PRPH: variants seen among roughly 807,000 people sequenced by gnomAD.
PRPH encodes peripherin.
PRPH carries 48 observed loss-of-function variants against 52.6 expected under a neutral mutation model. That is an observed-to-expected ratio of 0.91 (90% CI 0.72 to 1.16). The LOEUF (loss-of-function observed/expected upper bound fraction) is 1.16, where lower values mean the gene tolerates loss of function less well. PRPH is among the 50% of genes most tolerant of loss of function. The pLI, the probability that PRPH is intolerant of heterozygous loss-of-function variation, is 0.00. For synonymous variants in PRPH, 279 were observed against 283.8 expected, an observed-to-expected ratio of 0.98 and a Z score of 0.17; for missense variants, 579 against 635.7, an observed-to-expected ratio of 0.91 and a Z score of 0.96.
At position 49,296,969 on chromosome 12, in the gene PRPH, G is replaced by A. The variant is rs1431869971; in HGVS notation, c.783G>A (p.Leu261=). 2 of 1,613,684 alleles carry A rather than the reference G, an allele frequency of 1.2e-6. No individual in the cohort carries two copies. Among genetic ancestry groups the A allele is most frequent in the African/African-American group, 2.7e-5 (2 of 74,906 alleles). The change falls in exon 4 of 9, where the codon CTG becomes CTA. Residue 261 remains leucine (L), a synonymous_variant. Transcript: ENST00000257860. The surrounding 1 kb of genome is among the most constrained non-coding windows in gnomAD (Gnocchi z 5.1). The stretch of plus-strand genomic sequence containing the variant: ...TGGAAGCCACGGTGAAGCCCGAGCT[G>A]ACGGCAGCGCTGAGGGACATCCGCG... ...VEVEATVKPE[L]TAALRDIRAQ...
chr12:49,297,439 G>T lies in PRPH; in HGVS notation c.1079G>T (p.Arg360Leu), dbSNP rs370910135. Residue 360 changes from arginine to leucine, a missense_variant, in exon 6 of 9, where the codon CGG (arginine) becomes CTG (leucine). Transcript: ENST00000257860. This position sits in a 1 kb window ranked among gnomAD's most constrained non-coding sequence, Gnocchi z 4.4. ...EAGGYQAGAA[R>L]LEEELRQLKE... ...GGGGGCTACCAGGCGGGCGCTGCGC[G>T]GCTCGAGGAGGAGCTGCGACAGCTA... 618 of 1,609,358 alleles carry T rather than the reference G, an allele frequency of 3.8e-4. 1 individual carries two copies. Among genetic ancestry groups the T allele is most frequent in the Non-Finnish European group, 5.1e-4 (599 of 1,179,066 alleles).
Position 49,296,797 on chromosome 12 carries a change from G to C in PRPH, c.703-92G>C. The C allele has an allele frequency of 2.6e-6, 4 of 1,533,162 alleles. No homozygotes were observed. Among genetic ancestry groups the C allele is most frequent in the Non-Finnish European group, 3.5e-6 (4 of 1,136,256 alleles). The allele number at this position is 1,533,162 out of a possible 1,614,324, so 95.0% of individuals were successfully genotyped here. A position where few individuals can be genotyped will look rare whatever the true frequency, so the allele number is the denominator to read the frequency against. On this transcript the variant is annotated intron_variant, in intron 3 of 8. Coordinates refer to ENST00000257860, the MANE Select transcript of PRPH (RefSeq NM_006262.4). This position sits in a 1 kb window ranked among gnomAD's most constrained non-coding sequence, Gnocchi z 5.1. ...CCCTCCCTGGCGCCCACTTCTGTTC[G>C]TTCAAGCGTTTCTTCTCTTTTCTGT...
At position 49,295,668 on chromosome 12, in the gene PRPH, G is replaced by C; in HGVS notation, c.468G>C (p.Glu156Asp). ...TGCGCGAGCTGCGGCGAGAGCTGGAGCTGTTGGGCCGCGAGCGTGACCGGG... is the reference window on the plus strand; with the variant it reads ...TGCGCGAGCTGCGGCGAGAGCTGGACCTGTTGGGCCGCGAGCGTGACCGGG... ...QELRELRREL[E>D]LLGRERDRVQ... Residue 156 changes from glutamate (E) to aspartate (D), a missense_variant, in exon 1 of 9, where the codon GAG (glutamate) becomes GAC (aspartate). Coordinates refer to ENST00000257860, the MANE Select transcript of PRPH (RefSeq NM_006262.4). The C allele has an allele frequency of 1.3e-6, 2 of 1,536,986 alleles. No individual in the cohort carries two copies. Among genetic ancestry groups the C allele is most frequent in the Non-Finnish European group, 1.7e-6 (2 of 1,144,654 alleles).
At chr12:49,298,171 T>G in intron 8 of PRPH, 117 bp from the exon 9 acceptor site, 1 of 1,472,546 alleles carries the variant, frequency 6.8e-7, no homozygotes, top group Non-Finnish European at 9.4e-7. Context: ...AGAACGTGGA[T>G]AGATAACCAG....
In PRPH at chr12:49,297,161, C is replaced by T; in HGVS notation, c.884C>T (p.Ser295Phe). 6.2e-7 allele frequency: 1 copy of T among 1,614,014 alleles called. No homozygotes were observed. Among genetic ancestry groups the T allele is most frequent in the Non-Finnish European group, 8.5e-7 (1 of 1,179,988 alleles). ...EWYKSKYADL[S>F]DAANRNHEAL... is the part of the protein sequence containing the mutation. ...CCCACTTCTCAGTACGCGGACCTGT[C>T]CGACGCTGCCAACCGGAACCACGAG... Residue 295 changes from serine (S) to phenylalanine (F), a missense_variant, in exon 5 of 9, where the codon TCC becomes TTC. Transcript: ENST00000257860. The surrounding 1 kb of genome is among the most constrained non-coding windows in gnomAD (Gnocchi z 4.4).
Position 49,296,115 on chromosome 12 carries a change from C to T in PRPH, c.546-63C>T, listed in dbSNP as rs559195598. On this transcript the variant is annotated intron_variant, in intron 1 of 8. Coordinates refer to ENST00000257860, the MANE Select transcript of PRPH (RefSeq NM_006262.4). The surrounding 1 kb of genome is among the most constrained non-coding windows in gnomAD (Gnocchi z 5.1). ...CTCTAACCGGATCCTGGGGGGCGTG[C>T]GGTCTGGGGTGCGAGCTGGGCGGCG... 1.3e-6 allele frequency: 2 copies of T among 1,533,504 alleles called. No homozygotes were observed. Among genetic ancestry groups the T allele is most frequent in the South Asian group, 1.2e-5 (1 of 86,134 alleles). The allele number at this position is 1,533,504 out of a possible 1,614,324, so 95.0% of individuals were successfully genotyped here.
In PRPH at chr12:49,296,985, G is replaced by T; in HGVS notation, c.799G>T (p.Asp267Tyr). ...VKPELTAALRDIRAQYESIAA... is the reference protein window; with the variant it reads ...VKPELTAALRYIRAQYESIAA... ...GCCCGAGCTGACGGCAGCGCTGAGG[G>T]ACATCCGCGCGCAGTACGAGAGCAT... Residue 267 changes from aspartate (D) to tyrosine (Y), a missense_variant, in exon 4 of 9, where the codon GAC becomes TAC. By Grantham distance (160) the Asp-to-Tyr change is radical. Coordinates refer to ENST00000257860, the MANE Select transcript of PRPH (RefSeq NM_006262.4). This position sits in a 1 kb window ranked among gnomAD's most constrained non-coding sequence, Gnocchi z 5.1. 6.2e-7 allele frequency: 1 copy of T among 1,613,878 alleles called. No individual in the cohort carries two copies. Among genetic ancestry groups the T allele is most frequent in the Non-Finnish European group, 8.5e-7 (1 of 1,179,968 alleles).
Position 49,296,104 on chromosome 12 carries a change from T to C in PRPH, c.546-74T>C. 3 of 1,501,994 alleles carry C rather than the reference T, an allele frequency of 2.0e-6. No homozygotes were observed. Among genetic ancestry groups the C allele is most frequent in the Admixed American group, 1.9e-5 (1 of 53,628 alleles). The allele number at this position is 1,501,994 out of a possible 1,614,324, so 93.0% of individuals were successfully genotyped here. On this transcript the variant is annotated intron_variant, in intron 1 of 8. Transcript: ENST00000257860. This position sits in a 1 kb window ranked among gnomAD's most constrained non-coding sequence, Gnocchi z 5.1. ...AGCAGAACAGCCTCTAACCGGATCC[T>C]GGGGGGCGTGCGGTCTGGGGTGCGA... is the stretch of plus-strand genomic sequence containing the variant.
chr12:49,295,440 C>A lies in PRPH; in HGVS notation c.240C>A (p.Phe80Leu), dbSNP rs1472787496. The change falls in exon 1 of 9, where the codon TTC (phenylalanine) becomes TTA (leucine). Residue 80 changes from phenylalanine (F) to leucine (L), a missense_variant. By Grantham distance (22) the Phe-to-Leu change is conservative. Transcript: ENST00000257860. ...GCCTGCCCTCGGAGCGCCTCGACTT[C>A]TCCATGGCCGAGGCCCTCAACCAGG... Reference protein sequence around the residue: ...LLRLPSERLDFSMAEALNQEF... With the variant: ...LLRLPSERLDLSMAEALNQEF... 4.4e-6 allele frequency: 7 copies of A among 1,606,938 alleles called. No individual in the cohort carries two copies. Among genetic ancestry groups the A allele is most frequent in the Non-Finnish European group, 5.1e-6 (6 of 1,177,422 alleles).
chr12:49,295,676 G>T lies in PRPH; in HGVS notation c.476G>T (p.Gly159Val). The T allele has an allele frequency of 6.5e-7, 1 of 1,534,916 alleles. No homozygotes were observed. ...RELRRELELL[G>V]RERDRVQVER... ...CTGCGGCGAGAGCTGGAGCTGTTGG[G>T]CCGCGAGCGTGACCGGGTGCAGGTG... Residue 159 changes from glycine to valine, a missense_variant, in exon 1 of 9, where the codon GGC becomes GTC. Gly to Val is a moderately radical substitution (Grantham distance 109). Transcript: ENST00000257860.
Position 49,297,295 on chromosome 12 carries a change from C to A in PRPH, c.996+22C>A. 6.2e-7 allele frequency: 1 copy of A among 1,613,712 alleles called. No individual in the cohort carries two copies. The highest frequency in any genetic ancestry group is 1.6e-4 in the Middle Eastern group (1 of 6,062). ...CACGGTGAGTACGAAGCTGCGCGCTCGGGCCCGGGGAGCGGACGATGAAAT... is the reference window on the plus strand; with the variant it reads ...CACGGTGAGTACGAAGCTGCGCGCTAGGGCCCGGGGAGCGGACGATGAAAT... On this transcript the variant is annotated intron_variant, in intron 5 of 8. Coordinates refer to ENST00000257860, the MANE Select transcript of PRPH (RefSeq NM_006262.4). The surrounding 1 kb of genome is among the most constrained non-coding windows in gnomAD (Gnocchi z 4.4).
Position 49,297,598 on chromosome 12 carries a change from G to T in PRPH, c.1217+21G>T, listed in dbSNP as rs1387187869. 5 of 1,609,270 alleles carry T rather than the reference G, an allele frequency of 3.1e-6. No individual in the cohort carries two copies. Among genetic ancestry groups the T allele is most frequent in the East Asian group, 4.5e-5 (2 of 44,838 alleles). On this transcript the variant is annotated intron_variant, in intron 6 of 8. Coordinates refer to ENST00000257860, the MANE Select transcript of PRPH (RefSeq NM_006262.4). The surrounding 1 kb of genome is among the most constrained non-coding windows in gnomAD (Gnocchi z 4.4). ...AGCCGGTGAGGGTGGAGCTGCTGGG[G>T]CGGGGCAGGGCGGGGTCGGGACTGG...
At chr12:49,295,857 G>A in intron 1 of PRPH, 112 bp downstream of exon 1, 1 of 1,437,986 alleles carries the variant, frequency 7.0e-7, no homozygotes, top group Non-Finnish European at 9.1e-7. Flanking sequence ...CAAGGGTGTG[G>A]CTCCCCTTAC....
At position 49,297,147 on chromosome 12, in the gene PRPH, G is replaced by A. The variant is rs200791000; in HGVS notation, c.871-1G>A. ...AAGCCTGGGTTACCCCCACTTCTCA[G>A]TACGCGGACCTGTCCGACGCTGCCA... On this transcript the variant is annotated splice_acceptor_variant, in intron 4 of 8. Transcript: ENST00000257860. LOFTEE classifies it high-confidence loss of function. This position sits in a 1 kb window ranked among gnomAD's most constrained non-coding sequence, Gnocchi z 4.4. 1.1e-5 allele frequency: 18 copies of A among 1,614,036 alleles called. No individual in the cohort carries two copies. The East Asian group carries it at 3.8e-4, about 34-fold the overall frequency.
At position 49,296,150 on chromosome 12, in the gene PRPH, T is replaced by G. The variant is rs1366737381; in HGVS notation, c.546-28T>G. 1 of 1,608,980 alleles carries G rather than the reference T, an allele frequency of 6.2e-7. No homozygotes were observed. The highest frequency in any genetic ancestry group is 1.1e-5 in the South Asian group (1 of 90,500). On this transcript the variant is annotated intron_variant, in intron 1 of 8. Transcript: ENST00000257860. This position sits in a 1 kb window ranked among gnomAD's most constrained non-coding sequence, Gnocchi z 5.1. ...TGCGAGCTGGGCGGCGACCCCGCAGTTCAGCCTCTGCACGCTCTTCCCGTC... is the reference window on the plus strand; with the variant it reads ...TGCGAGCTGGGCGGCGACCCCGCAGGTCAGCCTCTGCACGCTCTTCCCGTC...
rs751797920 is a variant in PRPH at position 49,297,722 on chromosome 12, G to T, written c.1263G>T (p.Thr421=). ...CTTTTGCCTCCTTAAATATAAAGAC[G>T]ACTGGTGAGTCTGGCTTACAGCCTG... The part of the protein sequence containing the change: ...VHSFASLNIK[T]TVPEVEPPQD... Residue 421 remains threonine (T), a synonymous_variant, in exon 7 of 9, where the codon ACG becomes ACT. Transcript: ENST00000257860. The surrounding 1 kb of genome is among the most constrained non-coding windows in gnomAD (Gnocchi z 4.4). 7 of 1,610,314 alleles carry T rather than the reference G, an allele frequency of 4.3e-6. No homozygotes were observed. The highest frequency in any genetic ancestry group is 5.9e-6 in the Non-Finnish European group (7 of 1,177,454).
In PRPH at chr12:49,295,298, C is replaced by T. The variant is rs1228455551; in HGVS notation, c.98C>T (p.Ser33Phe). Residue 33 changes from serine (S) to phenylalanine (F), a missense_variant, in exon 1 of 9, where the codon TCC becomes TTC. Coordinates refer to ENST00000257860, the MANE Select transcript of PRPH (RefSeq NM_006262.4). ...PPPSLSPGAF[S>F]YSSSSRFSSS... ...CCCTCACTATCCCCCGGGGCCTTCT[C>T]CTACTCGTCCAGCTCCCGCTTCTCC... 3 of 1,611,810 alleles carry T rather than the reference C, an allele frequency of 1.9e-6. No homozygotes were observed. The highest frequency in any genetic ancestry group is 2.5e-6 in the Non-Finnish European group (3 of 1,179,634).
intron 1 of PRPH, 59 bp downstream of exon 1, chr12:49,295,804 G>A (rs1298081007): frequency 3.5e-6 from 5 of 1,441,138 alleles, no homozygotes; most frequent in Non-Finnish European, 4.5e-6. Context: ...CCGTCGAGGC[G>A]GCTGCTCTTG....
rs1943213839 is a variant in PRPH, at chr12:49,298,096, A to G, written c.1347+59A>G. ...ATTTCCCATATTATTTCTGAGCCCC[A>G]GCCTGGCTGTCGCTAATCTTACTTA... On this transcript the variant is annotated intron_variant, in intron 8 of 8. Coordinates refer to ENST00000257860, the MANE Select transcript of PRPH (RefSeq NM_006262.4). The G allele has an allele frequency of 1.9e-6, 3 of 1,582,234 alleles. No homozygotes were observed. The African/African-American group carries it at 4.0e-5, about 21-fold the overall frequency.
Sources: allele counts gnomAD v4.1 joint callset, GRCh38; gene constraint gnomAD v4.1.1; non-coding constraint Gnocchi (gnomAD v3.1); transcripts MANE v1.5; gene names NCBI Gene and HGNC (gene_info 2026-07-23, HGNC 2026-07-21).